NPIPB15: variants seen among roughly 807,000 people sequenced by gnomAD.
The protein encoded by NPIPB15 is nuclear pore complex-interacting protein family member B15.
In NPIPB15, 5 loss-of-function variants were observed where a neutral mutation model predicts 35.9. The ratio of observed to expected loss-of-function variants is 0.14; its 90% CI spans 0.07 to 0.29. The LOEUF is 0.29. NPIPB15 is among the 10% of genes least tolerant of loss of function. NPIPB15 has a pLI of 1.00. For missense variants in NPIPB15, 100 were observed against 506.1 expected (o/e 0.20, Z 7.70); for synonymous variants, 43 against 182.0 (o/e 0.24, Z 6.15).
intron 5 of NPIPB15, 107 bp from the exon 6 acceptor site, chr16:74,389,718 A>G: frequency 1.7e-6 from 1 of 594,072 alleles, no homozygotes; most frequent in African/African-American, 2.1e-5. Context: ...CTAGGTAGAG[A>G]TAGATTGTGT....
intron 1 of NPIPB15, among the ~76,000 whole-genome samples, 174 bp downstream of exon 1, chr16:74,377,520 G>A (rs2011721600): frequency 1.3e-5 from 2 of 152,282 alleles, no homozygotes; most frequent in Middle Eastern, 6.8e-3. Context: ...TGCTAAGGGA[G>A]GGCCCAGACC....
intron 2 of NPIPB15, among the ~76,000 whole-genome samples, chr16:74,379,195 T>C (rs1309645706): frequency 0.016 from 2,345 of 150,964 alleles, 67 homozygotes; most frequent in African/African-American, 0.055. Flanking sequence ...TTCTGGAATT[T>C]CGCGTATACA....
intron 2 of NPIPB15, among the ~76,000 whole-genome samples, chr16:74,378,845 G>C (rs1337826093): frequency 6.6e-6 from 1 of 151,842 alleles, no homozygotes; most frequent in East Asian, 1.9e-4. Context: ...TTGTTGTCCA[G>C]GCTGGAGTGC....
intron 3 of NPIPB15, among the ~76,000 whole-genome samples, chr16:74,384,997 G>C (rs2012192153): frequency 3.0e-5 from 1 of 33,512 alleles, no homozygotes; most frequent in East Asian, 1.7e-3. Flanking sequence ...ATTCTTGTGT[G>C]TGTGTGTGTG....
intron 2 of NPIPB15, among the ~76,000 whole-genome samples, chr16:74,378,447 G>A (rs1242587931): frequency 3.2e-4 from 4 of 12,484 alleles, no homozygotes; most frequent in Non-Finnish European, 6.1e-4. Flanking sequence ...TTTTTTTTTT[G>A]ACAGAGTCTC....
chr16:74,384,835 C>A (rs1266063271), intron 3 of NPIPB15, among the ~76,000 whole-genome samples: 1 of 151,848 alleles, frequency 6.6e-6, no homozygotes, highest in Non-Finnish European at 1.5e-5. Flanking sequence ...GCATGCACCA[C>A]CATGCCTGGC....
chr16:74,381,253 G>A (rs2011975427), intron 2 of NPIPB15: 2 of 607,420 alleles, frequency 3.3e-6, no homozygotes, highest in Non-Finnish European at 5.6e-6. Flanking sequence ...TATAGGCAGG[G>A]AAGTGAAAAG....
In NPIPB15 at chr16:74,376,399, G is replaced by C. The variant is rs1597148713; in HGVS notation, c.-970G>C. On this transcript the variant is annotated 5_prime_UTR_variant, in exon 1 of 8. Transcript: ENST00000692376. ...ACAGGGCCAGGAAAGGTGATGGACA[G>C]TGGGGGTCTGTCCTGGTCACCAGAC... is the stretch of plus-strand genomic sequence containing the variant. 2.0e-5 allele frequency among the ~76,000 whole-genome samples: 3 copies of C among 151,546 alleles called. No individual in the cohort carries two copies. In the East Asian group the frequency reaches 5.8e-4, roughly 30 times the overall value.
At chr16:74,380,883 C>A (rs1307022216) in intron 2 of NPIPB15, among the ~76,000 whole-genome samples, 10 of 152,338 alleles carry the variant, frequency 6.6e-5, no homozygotes, top group Non-Finnish European at 1.5e-4. Context: ...CGGTGGCTCA[C>A]ACCTGTAATC....
intron 3 of NPIPB15, among the ~76,000 whole-genome samples, chr16:74,384,680 T>TTTTTA (rs2012167240): frequency 1.2e-5 from 1 of 80,364 alleles, no homozygotes; most frequent in East Asian, 6.9e-4. Flanking sequence ...TTTTTTTTTT[T>TTTTTA]TTTTTTTTTT....
At chr16:74,389,619 G>T (rs1362925471) in intron 5 of NPIPB15, among the ~76,000 whole-genome samples, 1 of 95,492 alleles carries the variant, frequency 1.0e-5, no homozygotes, top group South Asian at 4.7e-4. Flanking sequence ...TGATCCATCC[G>T]CCTCGCCCTC....
rs1465276041 is a variant in NPIPB15 at position 74,386,495 on chromosome 16, G to C, written c.545+746G>C. On this transcript the variant is annotated intron_variant, in intron 5 of 7. Coordinates refer to ENST00000692376, the MANE Select transcript of NPIPB15 (RefSeq NM_001306094.2). ...TTTTTTTGAGACAGAGTCTCACTCT[G>C]TCACCCAGGCTAGAGTGCAGTGGCA... is the stretch of plus-strand genomic sequence containing the variant. 7.2e-3 allele frequency among the ~76,000 whole-genome samples: 826 copies of C among 114,222 alleles called. 2 individuals carry two copies. The highest frequency in any genetic ancestry group is 0.01 in the Admixed American group (93 of 9,080). The allele number at this position is 114,222 out of a possible 152,430, so 74.9% of individuals were successfully genotyped here. A position where few individuals can be genotyped will look rare whatever the true frequency, so the allele number is the denominator to read the frequency against.
At chr16:74,382,906 C>CT (rs1207851456) in intron 3 of NPIPB15, among the ~76,000 whole-genome samples, 32,080 of 115,918 alleles carry the variant, frequency 0.28, 3,109 homozygotes, top group East Asian at 0.4. Context: ...TTGGAGGAAG[C>CT]TTTTTTTTTT....
Position 74,381,712 on chromosome 16 carries a change from CT to C in NPIPB15, c.249+17del, listed in dbSNP as rs756116734. On this transcript the variant is annotated intron_variant, in intron 3 of 7. Coordinates refer to ENST00000692376, the MANE Select transcript of NPIPB15 (RefSeq NM_001306094.2). ...AGTTACCTTTGTGTGAGTATACTAA[CT>C]TTCTGTAGAGGTATACTTGTAATCA... 1 of 1,587,430 alleles carries C rather than the reference CT, an allele frequency of 6.3e-7. No individual in the cohort carries two copies. The highest frequency in any genetic ancestry group is 8.5e-7 in the Non-Finnish European group (1 of 1,172,170).
chr16:74,382,618 T>G (rs1238090625), intron 3 of NPIPB15, among the ~76,000 whole-genome samples: 3 of 152,406 alleles, frequency 2.0e-5, no homozygotes, highest in Admixed American at 1.3e-4. Context: ...AGCTCTACAT[T>G]TTGTCTTACC....
At chr16:74,377,580 C>T (rs1159518740) in intron 1 of NPIPB15, among the ~76,000 whole-genome samples, 9 of 152,202 alleles carry the variant, frequency 5.9e-5, no homozygotes, top group African/African-American at 2.2e-4. Flanking sequence ...TCTAATTGCT[C>T]CTAAGCCTCA....
intron 2 of NPIPB15, among the ~76,000 whole-genome samples, chr16:74,379,886 C>A (rs2011891640): frequency 6.6e-6 from 1 of 152,006 alleles, no homozygotes; most frequent in Admixed American, 6.6e-5. Context: ...CCACACCCGG[C>A]CCACCTTGTT....
At position 74,376,412 on chromosome 16, in the gene NPIPB15, C is replaced by G. The variant is rs1476821247; in HGVS notation, c.-957C>G. Reference sequence around the variant, plus strand: ...AGGTGATGGACAGTGGGGGTCTGTCCTGGTCACCAGACCCCTGGGTCCTGC... The same window carrying G: ...AGGTGATGGACAGTGGGGGTCTGTCGTGGTCACCAGACCCCTGGGTCCTGC... On this transcript the variant is annotated 5_prime_UTR_variant, in exon 1 of 8. Transcript: ENST00000692376. Among the ~76,000 whole-genome samples the G allele has an allele frequency of 2.6e-4, 39 of 151,196 alleles. No individual in the cohort carries two copies. The highest frequency in any genetic ancestry group is 9.2e-4 in the African/African-American group (38 of 41,082).
intron 5 of NPIPB15, among the ~76,000 whole-genome samples, chr16:74,389,357 C>T (rs1365865768): frequency 6.0e-5 from 9 of 150,164 alleles, no homozygotes; most frequent in Middle Eastern, 3.4e-3. Flanking sequence ...TGGATCAGAC[C>T]GTACAGTTTT....
Sources: gnomAD v4.1 joint callset for allele counts (sites outside exome capture counted in the v4.1 genomes callset) on GRCh38, gnomAD v4.1.1 for gene constraint, MANE v1.5 for transcripts, NCBI Gene and HGNC (gene_info 2026-07-23, HGNC 2026-07-21) for gene names.